Variants in FAM13A observed in about 807,000 individuals in gnomAD.
FAM13A encodes family with sequence similarity 13 member A, also known as protein FAM13A.
FAM13A carries 76 observed loss-of-function variants against 129.6 expected under a neutral mutation model. That is an observed-to-expected ratio of 0.59 (90% confidence interval 0.49 to 0.71). The LOEUF is 0.71. Among genes scored for constraint, FAM13A ranks in the 30% least tolerant of loss-of-function variants. The pLI is 0.00. For synonymous variants in FAM13A, 443 were observed against 449.9 expected (o/e 0.98, Z 0.20); for missense variants, 1,108 against 1,249.3 (o/e 0.89, Z 1.70).
intron 4 of FAM13A, among the ~76,000 whole-genome samples, chr4:88,970,077 C>A (rs559939160): frequency 1.3e-5 from 2 of 152,294 alleles, no homozygotes; most frequent in South Asian, 2.1e-4. Flanking sequence ...AGAAGGCACT[C>A]AATAAATATC....
intron 4 of FAM13A, among the ~76,000 whole-genome samples, chr4:88,973,302 C>T (rs1579571338): frequency 1.3e-5 from 2 of 152,108 alleles, no homozygotes; most frequent in East Asian, 3.9e-4. Context: ...ATATCTTTTA[C>T]AATTATACCA....
chr4:88,745,851 ATT>A (rs201087138), intron 19 of FAM13A, among the ~76,000 whole-genome samples: 26 of 142,364 alleles, frequency 1.8e-4, no homozygotes, highest in Non-Finnish European at 1.5e-4. Flanking sequence ...CAGTGCCAGC[ATT>A]TTTTTTTTTT....
chr4:88,956,015 G>A (rs373937237), intron 4 of FAM13A, among the ~76,000 whole-genome samples: 22 of 152,284 alleles, frequency 1.4e-4, no homozygotes, highest in African/African-American at 5.3e-4. Flanking sequence ...AGGTAAACTA[G>A]TTACAGTAAG....
intron 11 of FAM13A, among the ~76,000 whole-genome samples, chr4:88,775,153 T>C (rs1721424428): frequency 6.6e-6 from 1 of 151,996 alleles, no homozygotes; most frequent in Non-Finnish European, 1.5e-5. Context: ...AAGAAAACAG[T>C]CATTGTGGTA....
chr4:88,991,209 G>A, intron 3 of FAM13A, 59 bp from the exon 4 acceptor site: 1 of 1,289,614 alleles, frequency 7.8e-7, no homozygotes, highest in Admixed American at 2.2e-5. Flanking sequence ...AACAACAAAA[G>A]CCCATAGGTG....
chr4:88,909,082 T>C (rs1748614563), intron 5 of FAM13A, among the ~76,000 whole-genome samples: 1 of 152,240 alleles, frequency 6.6e-6, no homozygotes, highest in African/African-American at 2.4e-5. Context: ...AAGCCATTTA[T>C]ATTTGTACAT....
At chr4:88,734,004 G>A (rs1284448038) in intron 21 of FAM13A, among the ~76,000 whole-genome samples, 6 of 152,112 alleles carry the variant, frequency 3.9e-5, no homozygotes, top group Non-Finnish European at 8.8e-5. Context: ...TGAAAATCAC[G>A]AGGAAAAATA....
At chr4:89,040,008 G>A (rs1026395968) in intron 1 of FAM13A, among the ~76,000 whole-genome samples, 2 of 151,572 alleles carry the variant, frequency 1.3e-5, no homozygotes, top group African/African-American at 2.4e-5. Flanking sequence ...AGGACAACTG[G>A]GAAAATGTGA....
rs1745610832 is a variant in FAM13A, at chr4:88,892,932, C to CA, written c.843+13446dup. On this transcript the variant is annotated intron_variant, in intron 6 of 23. Coordinates refer to ENST00000264344, the MANE Select transcript of FAM13A (RefSeq NM_014883.4). Reference sequence around the variant, plus strand: ...TTTATACATTAAAAGGTACTATATTCAATATGAAAAGAAAACCAAAAAACT... The same window carrying CA: ...TTTATACATTAAAAGGTACTATATTCAAATATGAAAAGAAAACCAAAAAACT... Among the ~76,000 whole-genome samples the CA allele has an allele frequency of 3.9e-5, 6 of 151,940 alleles. No individual in the cohort carries two copies. In the South Asian group the frequency reaches 1.2e-3, roughly 32 times the overall value.
chr4:88,882,945 T>C (rs938764627), intron 6 of FAM13A, among the ~76,000 whole-genome samples: 3 of 152,098 alleles, frequency 2.0e-5, no homozygotes, highest in Non-Finnish European at 2.9e-5. Context: ...TTAAAGGACT[T>C]GTTCAACAGG....
At chr4:89,000,958 G>T (rs1322601863) in intron 3 of FAM13A, among the ~76,000 whole-genome samples, 1 of 152,260 alleles carries the variant, frequency 6.6e-6, no homozygotes, top group East Asian at 1.9e-4. Flanking sequence ...GCACACATGT[G>T]CACACAATCA....
At chr4:88,750,317 T>C (rs958518850) in intron 15 of FAM13A, 107 bp downstream of exon 15, 15 of 888,656 alleles carry the variant, frequency 1.7e-5, no homozygotes, top group Middle Eastern at 2.3e-4. Context: ...TGTTGCTCCA[T>C]AGGCTCACGA....
chr4:88,997,611 T>C (rs1392815963), intron 3 of FAM13A, among the ~76,000 whole-genome samples: 1 of 151,994 alleles, frequency 6.6e-6, no homozygotes, highest in African/African-American at 2.4e-5. Flanking sequence ...TCACAAGATA[T>C]ATCACAGAAT....
chr4:88,925,811 C>A (rs556825693), intron 5 of FAM13A, among the ~76,000 whole-genome samples: 69 of 151,420 alleles, frequency 4.6e-4, no homozygotes, highest in Non-Finnish European at 9.1e-4. Context: ...GGAAAAAAAA[C>A]CCCAACTTAT....
At position 88,728,369 on chromosome 4, in the gene FAM13A, C is replaced by G. The variant is rs4693968; in HGVS notation, c.*164G>C. On this transcript the variant is annotated 3_prime_UTR_variant, in exon 24 of 24. Transcript: ENST00000264344. ...CACATTGTCTTCTTCCAGCCAGTTT[C>G]TAAGGCAGGCAATGGAAACAGGAGC... 1 of 777,528 alleles carries G rather than the reference C, an allele frequency of 1.3e-6. No individual in the cohort carries two copies. The highest frequency in any genetic ancestry group is 2.0e-6 in the Non-Finnish European group (1 of 492,060). 48.2% of individuals were successfully genotyped at this position (777,528 alleles called of 1,614,324 possible). A position where few individuals can be genotyped will look rare whatever the true frequency, so the allele number is the denominator to read the frequency against.
At chr4:88,764,028 A>G (rs1367196849) in intron 13 of FAM13A, among the ~76,000 whole-genome samples, 2 of 152,214 alleles carry the variant, frequency 1.3e-5, no homozygotes, top group African/African-American at 2.4e-5. Context: ...CATTCTATAA[A>G]TACTTTTCAG....
intron 6 of FAM13A, among the ~76,000 whole-genome samples, chr4:88,878,063 G>A (rs562327281): frequency 1.8e-4 from 27 of 152,152 alleles, no homozygotes; most frequent in African/African-American, 5.5e-4. Flanking sequence ...GCCGAGGCGG[G>A]CGGATCACGA....
chr4:89,028,096 C>T (rs1255312503), intron 2 of FAM13A, among the ~76,000 whole-genome samples: 2 of 150,236 alleles, frequency 1.3e-5, no homozygotes, highest in Non-Finnish European at 3.0e-5. Flanking sequence ...ATCCCTGCTA[C>T]TTGGGAGGCT....
At chr4:88,840,858 G>A (rs1735689477) in intron 7 of FAM13A, among the ~76,000 whole-genome samples, 1 of 152,182 alleles carries the variant, frequency 6.6e-6, no homozygotes, top group African/African-American at 2.4e-5. Flanking sequence ...TTTTTGACAA[G>A]AGGGCCAAAA....
Sources: allele counts gnomAD v4.1 joint callset (sites outside exome capture counted in the v4.1 genomes callset), GRCh38; gene constraint gnomAD v4.1.1; transcripts MANE v1.5; gene names NCBI Gene and HGNC (gene_info 2026-07-23, HGNC 2026-07-21).